SLC45A4: variants seen among roughly 807,000 people sequenced by gnomAD.
SLC45A4 encodes polyamine-transporter SLC45A4.
Under a neutral mutation model 63.7 loss-of-function variants are expected in SLC45A4, and 32 were observed. The observed-to-expected ratio is 0.50, with a 90% CI of 0.38 to 0.67. The LOEUF (loss-of-function observed/expected upper bound fraction) is 0.67, where lower values mean the gene tolerates loss of function less well. Ranked by LOEUF, SLC45A4 falls within the 30% of genes least tolerant of loss-of-function variation. The pLI, the probability that SLC45A4 is intolerant of heterozygous loss-of-function variation, is 0.00. For missense variants in SLC45A4, 1,027 were observed against 1,157.7 expected, an observed-to-expected ratio of 0.89 and a Z score of 1.64; for synonymous variants, 535 against 510.0, an observed-to-expected ratio of 1.05 and a Z score of -0.66.
At chr8:141,275,043 T>TGGCGC (rs1434572111) in intron 1 of SLC45A4, among the ~76,000 whole-genome samples, 2 of 152,206 alleles carry the variant, frequency 1.3e-5, no homozygotes, top group Admixed American at 1.3e-4. Context: ...CTACGGGGCG[T>TGGCGC]GGCGCCGGCA....
Position 141,215,838 on chromosome 8 carries a change from A to T in SLC45A4, c.1862T>A (p.Ile621Asn), listed in dbSNP as rs767345653. 6.2e-7 allele frequency: 1 copy of T among 1,614,128 alleles called. No individual in the cohort carries two copies. Among genetic ancestry groups the T allele is most frequent in the Non-Finnish European group, 8.5e-7 (1 of 1,180,014 alleles). ...CATGGAGACGATGCCCATGGTGCTGATGGTGACCATGGCGACGTAGACGTT... is the reference window on the plus strand; with the variant it reads ...CATGGAGACGATGCCCATGGTGCTGTTGGTGACCATGGCGACGTAGACGTT... ...FPNVYVAMVT[I>N]STMGIVSMSI... is the part of the protein sequence containing the mutation. Residue 621 changes from isoleucine (I) to asparagine (N), a missense_variant, in exon 7 of 9, where the codon ATC (isoleucine) becomes AAC (asparagine). Ile to Asn is a moderately radical substitution (Grantham distance 149). Transcript: ENST00000517878. This position sits in a 1 kb window ranked among gnomAD's most constrained non-coding sequence, Gnocchi z 4.3.
At chr8:141,228,132 G>A in intron 2 of SLC45A4, 1 of 1,611,978 alleles carries the variant, frequency 6.2e-7, no homozygotes, top group Non-Finnish European at 8.5e-7. Flanking sequence ...AGCTTTAGAT[G>A]GAGTGATCTG....
chr8:141,303,778 T>C (rs1830818613), intron 1 of SLC45A4, among the ~76,000 whole-genome samples: 1 of 152,186 alleles, frequency 6.6e-6, no homozygotes, highest in African/African-American at 2.4e-5. Flanking sequence ...TGCAGTTTCC[T>C]CTCACTGCCA....
At chr8:141,298,234 T>G (rs1203401072) in intron 1 of SLC45A4, among the ~76,000 whole-genome samples, 4 of 152,254 alleles carry the variant, frequency 2.6e-5, no homozygotes, top group African/African-American at 9.6e-5. Flanking sequence ...TTCACTACTT[T>G]TAGGCATGTC....
intron 1 of SLC45A4, among the ~76,000 whole-genome samples, chr8:141,281,548 G>C (rs933563817): frequency 6.6e-6 from 1 of 152,170 alleles, no homozygotes; most frequent in Non-Finnish European, 1.5e-5. Context: ...GTGGCCCCTC[G>C]ACTGCTCTCA....
chr8:141,253,068 C>A (rs1372226424), intron 2 of SLC45A4: 1 of 170,530 alleles, frequency 5.9e-6, no homozygotes, highest in African/African-American at 2.4e-5. Context: ...TTCACGCCCA[C>A]CTGCGAGTGT....
At position 141,221,631 on chromosome 8, in the gene SLC45A4, G is replaced by A. The variant is rs1280525718; in HGVS notation, c.376C>T (p.Leu126Phe). ...WGRRRPFILA[L>F]CVGVLFGVAL... Reference sequence around the variant, plus strand: ...ACGCCAAAGAGGACGCCAACGCAGAGGGCGAGGATGAAGGGCCGCCGGCGG... The same window carrying A: ...ACGCCAAAGAGGACGCCAACGCAGAAGGCGAGGATGAAGGGCCGCCGGCGG... Residue 126 changes from leucine to phenylalanine, a missense_variant, in exon 3 of 9, where the codon CTC becomes TTC. Physicochemically the swap from Leu to Phe is conservative, Grantham distance 22. Transcript: ENST00000517878. 1 of 1,614,080 alleles carries A rather than the reference G, an allele frequency of 6.2e-7. No individual in the cohort carries two copies. The highest frequency in any genetic ancestry group is 2.2e-5 in the East Asian group (1 of 44,882).
intron 2 of SLC45A4, among the ~76,000 whole-genome samples, chr8:141,241,636 G>A (rs933472542): frequency 1.3e-5 from 2 of 152,108 alleles, no homozygotes; most frequent in African/African-American, 4.8e-5. Context: ...GGCTGGCTCT[G>A]TGGGGCAGGA....
At chr8:141,249,275 G>A (rs2154614604) in intron 2 of SLC45A4, among the ~76,000 whole-genome samples, 1 of 152,270 alleles carries the variant, frequency 6.6e-6, no homozygotes, top group South Asian at 2.1e-4. Context: ...GCAGGTGAAT[G>A]TTCACAGCAG....
At chr8:141,245,684 C>G (rs1216761635) in intron 2 of SLC45A4, among the ~76,000 whole-genome samples, 1 of 152,164 alleles carries the variant, frequency 6.6e-6, no homozygotes, top group Non-Finnish European at 1.5e-5. Flanking sequence ...ACTCACAGAC[C>G]CTCAGCGTGT....
At chr8:141,257,734 G>T (rs1165416115) in intron 1 of SLC45A4, among the ~76,000 whole-genome samples, 1 of 152,218 alleles carries the variant, frequency 6.6e-6, no homozygotes, top group Non-Finnish European at 1.5e-5. Flanking sequence ...TGCGACAACA[G>T]GGGGAGGAGG....
In SLC45A4 at chr8:141,229,253, A is replaced by T. The variant is rs1342569670; in HGVS notation, c.242-7488T>A. ...ACCTGCAGTCAGAGTGACCACCTAA[A>T]ACCCACTGCTTGCACCTGCCGTGGC... On this transcript the variant is annotated intron_variant, in intron 2 of 8. Transcript: ENST00000517878. This position sits in a 1 kb window ranked among gnomAD's most constrained non-coding sequence, Gnocchi z 5.0. 2.0e-5 allele frequency among the ~76,000 whole-genome samples: 3 copies of T among 151,850 alleles called. No homozygotes were observed. The highest frequency in any genetic ancestry group is 4.4e-5 in the Non-Finnish European group (3 of 67,948).
rs941974029 is a variant in SLC45A4, at chr8:141,256,022, C to A, written c.-400-1393G>T. The stretch of plus-strand genomic sequence containing the variant: ...TCCCAGGGTCTACGGAACCCTATCA[C>A]CCCAACCCTCGGCTTTCCACCACCC... On this transcript the variant is annotated intron_variant, in intron 1 of 8. Coordinates refer to ENST00000517878, the MANE Select transcript of SLC45A4 (RefSeq NM_001286646.2). The surrounding 1 kb of genome is among the most constrained non-coding windows in gnomAD (Gnocchi z 4.3). Among the ~76,000 whole-genome samples the A allele has an allele frequency of 2.0e-5, 3 of 152,172 alleles. No homozygotes were observed. The highest frequency in any genetic ancestry group is 4.4e-5 in the Non-Finnish European group (3 of 68,030).
chr8:141,285,962 A>T (rs1205505718), intron 1 of SLC45A4, among the ~76,000 whole-genome samples: 1 of 152,192 alleles, frequency 6.6e-6, no homozygotes, highest in African/African-American at 2.4e-5. Flanking sequence ...GAGAACCAGC[A>T]GCGTGAAGGG....
intron 1 of SLC45A4, among the ~76,000 whole-genome samples, chr8:141,269,133 C>T (rs1215547789): frequency 6.6e-6 from 1 of 152,254 alleles, no homozygotes; most frequent in Non-Finnish European, 1.5e-5. Flanking sequence ...CGAGCTCCAC[C>T]TCACCCGACA....
At chr8:141,306,010 G>A (rs1563688379) in intron 1 of SLC45A4, among the ~76,000 whole-genome samples, 2 of 151,984 alleles carry the variant, frequency 1.3e-5, no homozygotes, top group South Asian at 4.2e-4. Context: ...GGCTTGCTCC[G>A]CCCCTCCCCC....
At chr8:141,259,040 A>T (rs1828936829) in intron 1 of SLC45A4, among the ~76,000 whole-genome samples, 1 of 152,174 alleles carries the variant, frequency 6.6e-6, no homozygotes, top group Non-Finnish European at 1.5e-5. Flanking sequence ...GTGGTGCAGG[A>T]GCGCTCCCTT....
At chr8:141,230,625 G>A (rs1395159301) in intron 2 of SLC45A4, among the ~76,000 whole-genome samples, 2 of 152,338 alleles carry the variant, frequency 1.3e-5, no homozygotes, top group Middle Eastern at 6.8e-3. Flanking sequence ...TGCCTCTGCC[G>A]CCCGGCCTTG....
rs1188598263 is a variant in SLC45A4, at chr8:141,229,448, C to A, written c.242-7683G>T. Among the ~76,000 whole-genome samples, 2 of 152,140 alleles carry A rather than the reference C, an allele frequency of 1.3e-5. No homozygotes were observed. Among genetic ancestry groups the A allele is most frequent in the African/African-American group, 4.8e-5 (2 of 41,438 alleles). ...CACCAGGCTCACATCCCGCTCAGAA[C>A]CTCAGCCACGGCCACTGGGGAGGGT... On this transcript the variant is annotated intron_variant, in intron 2 of 8. Coordinates refer to ENST00000517878, the MANE Select transcript of SLC45A4 (RefSeq NM_001286646.2). This position sits in a 1 kb window ranked among gnomAD's most constrained non-coding sequence, Gnocchi z 5.0.
Sources: gnomAD v4.1 joint callset for allele counts (sites outside exome capture counted in the v4.1 genomes callset) on GRCh38, gnomAD v4.1.1 for gene constraint, Gnocchi (gnomAD v3.1) non-coding constraint, MANE v1.5 for transcripts, NCBI Gene and HGNC (gene_info 2026-07-23, HGNC 2026-07-21) for gene names.